The following MRGPRF variants were observed in gnomAD, a reference collection of about 807,000 sequenced individuals.
MRGPRF encodes MAS related GPR family member F, also known as mas-related G protein-coupled receptor member F.
In MRGPRF, 2 loss-of-function variants were observed where a neutral mutation model predicts 3.3. The observed-to-expected ratio is 0.61, with a 90% CI of 0.25 to 1.92. MRGPRF has a LOEUF of 1.92. Among genes scored for constraint, MRGPRF ranks in the 40% most tolerant of loss-of-function variants. The pLI is 0.16. For synonymous variants in MRGPRF, 242 were observed against 222.7 expected, an observed-to-expected ratio of 1.09 and a Z score of -0.77; for missense variants, 500 against 476.0, an observed-to-expected ratio of 1.05 and a Z score of -0.47.
chr11:69,005,588 A>G lies in MRGPRF; in HGVS notation c.722T>C (p.Ile241Thr). ...CAGGAAGACGGAGACCATGGCCAGGATGACGTGGTTGAGCTTGGCAGAGCG... is the reference window on the plus strand; with the variant it reads ...CAGGAAGACGGAGACCATGGCCAGGGTGACGTGGTTGAGCTTGGCAGAGCG... ...RQRSAKLNHV[I>T]LAMVSVFLVS... The change falls in exon 3 of 3, where the codon ATC becomes ACC. Residue 241 changes from isoleucine (I) to threonine (T), a missense_variant. Ile to Thr is a moderately conservative substitution (Grantham distance 89, BLOSUM62 -1). Transcript: ENST00000309099. The G allele has an allele frequency of 6.3e-7, 1 of 1,579,816 alleles. No individual in the cohort carries two copies. The highest frequency in any genetic ancestry group is 1.3e-5 in the African/African-American group (1 of 74,128).
intron 2 of MRGPRF, 117 bp downstream of exon 2, chr11:69,009,737 A>C: frequency 7.8e-7 from 1 of 1,280,342 alleles, no homozygotes; most frequent in Non-Finnish European, 1.1e-6. Context: ...CGGTGGGTCC[A>C]GAGCTGGAAA....
rs1290670359 is a variant in MRGPRF, at chr11:69,005,752, G to A, written c.558C>T (p.Gly186=). The A allele has an allele frequency of 5.2e-6, 8 of 1,549,208 alleles. No individual in the cohort carries two copies. Among genetic ancestry groups the A allele is most frequent in the Non-Finnish European group, 7.0e-6 (8 of 1,146,254 alleles). ...CLHNYFCVFL[G]RGAPGAACRH... ...TGCAGGCCGCGCCGGGGGCCCCGCG[G>A]CCCAGGAACACGCAGAAGTAGTTGT... Residue 186 remains glycine (G), a synonymous_variant, in exon 3 of 3, where the codon GGC becomes GGT. Coordinates refer to ENST00000309099, the MANE Select transcript of MRGPRF (RefSeq NM_145015.5).
chr11:69,013,515 C>G (rs891176327), upstream of MRGPRF: 2 of 152,434 alleles, frequency 1.3e-5, no homozygotes, highest in East Asian at 3.9e-4. Context: ...AGAGGGAGCA[C>G]CGGCTGTACA....
At position 69,005,992 on chromosome 11, in the gene MRGPRF, G is replaced by GC. The variant is rs753539534; in HGVS notation, c.317dup (p.Phe107LeufsTer171). ...TGTAGTCGGCAAACGTGCCCAGGAA[G>GC]CCCCCCGTGTTCAGGATGGAGAACA... is the stretch of plus-strand genomic sequence containing the variant. On this transcript the variant is annotated frameshift_variant, in exon 3 of 3. Coordinates refer to ENST00000309099, the MANE Select transcript of MRGPRF (RefSeq NM_145015.5). LOFTEE classifies it low-confidence loss of function (END_TRUNC). 10 of 1,565,596 alleles carry GC rather than the reference G, an allele frequency of 6.4e-6. No homozygotes were observed. Among genetic ancestry groups the GC allele is most frequent in the East Asian group, 4.7e-5 (2 of 42,298 alleles).
chr11:69,008,508 T>G (rs1387121597), intron 2 of MRGPRF, among the ~76,000 whole-genome samples: 1 of 152,148 alleles, frequency 6.6e-6, no homozygotes, highest in African/African-American at 2.4e-5. Flanking sequence ...GGGAGGGACC[T>G]CCTAGCCTGC....
Position 69,005,388 on chromosome 11 carries a change from C to T in MRGPRF, c.922G>A (p.Val308Met). Residue 308 changes from valine (V) to methionine (M), a missense_variant, in exon 3 of 3, where the codon GTG becomes ATG. Val to Met is a conservative substitution (Grantham distance 21). Transcript: ENST00000309099. ...KSQRLWEPLR[V>M]VFQRALRDGA... ...TCCCGCAGGGCCCGCTGGAAGACCA[C>T]CCTGAGCGGCTCCCACAGCCGCTGC... The T allele has an allele frequency of 1.3e-6, 2 of 1,576,214 alleles. No individual in the cohort carries two copies. Among genetic ancestry groups the T allele is most frequent in the Non-Finnish European group, 1.7e-6 (2 of 1,161,490 alleles).
At chr11:69,009,487 G>A (rs1201687978) in intron 2 of MRGPRF, 1 of 579,428 alleles carries the variant, frequency 1.7e-6, no homozygotes, top group African/African-American at 1.9e-5. Flanking sequence ...GGGCCACCTT[G>A]GAGTCAGCGT....
chr11:69,005,530 G>C lies in MRGPRF; in HGVS notation c.780C>G (p.Phe260Leu), dbSNP rs773253762. The change falls in exon 3 of 3, where the codon TTC (phenylalanine) becomes TTG (leucine). Residue 260 changes from phenylalanine to leucine, a missense_variant. Phe to Leu is a conservative substitution (Grantham distance 22). Coordinates refer to ENST00000309099, the MANE Select transcript of MRGPRF (RefSeq NM_145015.5). ...VSSIYLGIDW[F>L]LFWVFQIPAP... is the part of the protein sequence containing the mutation. Reference sequence around the variant, plus strand: ...CCGGGATCTGGAAGACCCAGAAGAGGAACCAGTCGATCCCTAAGTAGATGG... The same window carrying C: ...CCGGGATCTGGAAGACCCAGAAGAGCAACCAGTCGATCCCTAAGTAGATGG... The C allele has an allele frequency of 6.3e-6, 10 of 1,580,464 alleles. No individual in the cohort carries two copies. In the East Asian group the frequency reaches 2.1e-4, roughly 33 times the overall value.
At chr11:69,009,312 T>A in intron 2 of MRGPRF, 1 of 368,228 alleles carries the variant, frequency 2.7e-6, no homozygotes, top group East Asian at 4.1e-5. Flanking sequence ...TTTCAAGGGA[T>A]TCAGAGAAGT....
chr11:69,007,314 TCTC>T, intron 2 of MRGPRF, among the ~76,000 whole-genome samples: 1 of 152,214 alleles, frequency 6.6e-6, no homozygotes, highest in East Asian at 1.9e-4. Flanking sequence ...TTCAAGCAAT[TCTC>T]CTGCCTCAGG....
rs200909086 is a variant in MRGPRF at position 69,006,872 on chromosome 11, CCT to C, written c.49-613_49-612del. On this transcript the variant is annotated intron_variant, in intron 2 of 2. Coordinates refer to ENST00000309099, the MANE Select transcript of MRGPRF (RefSeq NM_145015.5). Reference sequence around the variant, plus strand: ...CTCCTGACCTCAAGTGATCCACCTGCCTCCCAAAGTGCTGGGATTATAGACGT... The same window carrying C: ...CTCCTGACCTCAAGTGATCCACCTGCCCCAAAGTGCTGGGATTATAGACGT... Among the ~76,000 whole-genome samples, 475 of 152,282 alleles carry C rather than the reference CCT, an allele frequency of 3.1e-3. 3 individuals carry two copies. Among genetic ancestry groups the C allele is most frequent in the African/African-American group, 0.01 (416 of 41,556 alleles).
intron 1 of MRGPRF, among the ~76,000 whole-genome samples, chr11:69,011,622 GC>G (rs769806774): frequency 3.9e-5 from 6 of 152,208 alleles, no homozygotes; most frequent in Non-Finnish European, 8.8e-5. Context: ...GCCTGTCTGA[GC>G]TTTCCTGCCC....
Position 69,009,728 on chromosome 11 carries a change from G to A in MRGPRF, c.48+126C>T, listed in dbSNP as rs779455981. ...TAGCCCAGAGGAGCCCACTGCCCAC[G>A]GTGGGTCCAGAGCTGGAAAGTGGGG... On this transcript the variant is annotated intron_variant, in intron 2 of 2. Transcript: ENST00000309099. The A allele has an allele frequency of 9.5e-4, 1,112 of 1,170,744 alleles. 2 individuals are homozygous for A. The highest frequency in any genetic ancestry group is 1.3e-3 in the Non-Finnish European group (1,010 of 800,014). 72.5% of individuals were successfully genotyped at this position (1,170,744 alleles called of 1,614,324 possible). A position where few individuals can be genotyped will look rare whatever the true frequency, so the allele number is the denominator to read the frequency against.
In MRGPRF at chr11:69,005,935, G is replaced by A. The variant is rs11544722; in HGVS notation, c.375C>T (p.Cys125=). Residue 125 remains cysteine, a synonymous_variant, in exon 3 of 3, where the codon TGC becomes TGT. Transcript: ENST00000309099. ...GGAGGCTCACGCCGGTAAGGAACAT[G>A]CAGAGCCCCAGGACCCGGCACACGC... The part of the protein sequence containing the change: ...IRSVCRVLGL[C]MFLTGVSLLP... 0.26 allele frequency: 410,291 copies of A among 1,573,406 alleles called. 54,899 individuals carry two copies. The highest frequency in any genetic ancestry group is 0.32 in the South Asian group (27,177 of 86,078).
rs768542465 is a variant in MRGPRF at position 69,006,218 on chromosome 11, C to A, written c.92G>T (p.Gly31Val). 6.2e-7 allele frequency: 1 copy of A among 1,613,416 alleles called. No individual in the cohort carries two copies. The highest frequency in any genetic ancestry group is 1.1e-5 in the South Asian group (1 of 91,072). ...LSEAPELYSR[G>V]FLTIEQIAML... ...CGCGATCTGCTCGATGGTCAGGAAG[C>A]CCCGGCTGTAGAGTTCCGGGGCCTC... The change falls in exon 3 of 3, where the codon GGC becomes GTC. Residue 31 changes from glycine to valine, a missense_variant. Gly to Val is a moderately radical substitution (Grantham distance 109, BLOSUM62 -3). Coordinates refer to ENST00000309099, the MANE Select transcript of MRGPRF (RefSeq NM_145015.5).
In MRGPRF at chr11:69,004,716, ATC is replaced by A. The variant is rs1170705364; in HGVS notation, c.*560_*561del. Reference sequence around the variant, plus strand: ...CCTTGACATAACCAGAAATCCCCCCATCAAAGTCACCAAATGACTCGACGGGG... The same window carrying A: ...CCTTGACATAACCAGAAATCCCCCCAAAAGTCACCAAATGACTCGACGGGG... On this transcript the variant is annotated 3_prime_UTR_variant, in exon 3 of 3. Transcript: ENST00000309099. The A allele has an allele frequency of 6.6e-6, 1 of 152,450 alleles. No individual in the cohort carries two copies. The allele number at this position is 152,450 out of a possible 1,614,324, so 9.4% of individuals were successfully genotyped here. A position where few individuals can be genotyped will look rare whatever the true frequency, so the allele number is the denominator to read the frequency against.
At chr11:69,007,720 C>T (rs568317191) in intron 2 of MRGPRF, among the ~76,000 whole-genome samples, 20 of 152,104 alleles carry the variant, frequency 1.3e-4, no homozygotes, top group South Asian at 2.1e-4. Context: ...AAAAAAACAA[C>T]GAGTGGATCT....
At position 69,006,110 on chromosome 11, in the gene MRGPRF, C is replaced by G; in HGVS notation, c.200G>C (p.Trp67Ser). The change falls in exon 3 of 3, where the codon TGG becomes TCG. Residue 67 changes from tryptophan (W) to serine (S), a missense_variant. Trp to Ser is a radical substitution (Grantham distance 177). Coordinates refer to ENST00000309099, the MANE Select transcript of MRGPRF (RefSeq NM_145015.5). ...CGLVGNGLVL[W>S]FFGFSIKRNP... is the part of the protein sequence containing the mutation. ...CCTCTTGATGGAGAAGCCGAAAAAC[C>G]AGAGGACCAGCCCGTTGCCCACCAG... 6.8e-6 allele frequency: 11 copies of G among 1,613,716 alleles called. No homozygotes were observed. The highest frequency in any genetic ancestry group is 9.3e-6 in the Non-Finnish European group (11 of 1,179,864).
chr11:69,007,982 C>T, intron 2 of MRGPRF, among the ~76,000 whole-genome samples: 1 of 152,188 alleles, frequency 6.6e-6, no homozygotes, highest in East Asian at 1.9e-4. Flanking sequence ...TAAATGCATG[C>T]AGGTGGGCCA....
Sources: gnomAD v4.1 joint callset for allele counts (sites outside exome capture counted in the v4.1 genomes callset) on GRCh38, gnomAD v4.1.1 for gene constraint, MANE v1.5 for transcripts, NCBI Gene and HGNC (gene_info 2026-07-23, HGNC 2026-07-21) for gene names.